Variants in KIFBP observed in about 807,000 individuals in gnomAD.
The protein encoded by KIFBP is KIF-binding protein.
In KIFBP, 46 loss-of-function variants were observed where a neutral mutation model predicts 58.9. The ratio of observed to expected loss-of-function variants is 0.78; its 90% CI spans 0.62 to 1.00. The LOEUF (loss-of-function observed/expected upper bound fraction) is 1.00. Ranked by LOEUF, KIFBP falls within the 50% of genes least tolerant of loss-of-function variation. KIFBP has a pLI of 0.00. For synonymous variants in KIFBP, 241 were observed against 283.4 expected, an observed-to-expected ratio of 0.85 and a Z score of 1.50; for missense variants, 651 against 752.9, an observed-to-expected ratio of 0.86 and a Z score of 1.58.
At chr10:68,997,301 C>A (rs1843417125) in intron 1 of KIFBP, among the ~76,000 whole-genome samples, 1 of 152,036 alleles carries the variant, frequency 6.6e-6, no homozygotes, top group African/African-American at 2.4e-5. Context: ...GCTCTGTGTC[C>A]CCACCCAAAT....
intron 1 of KIFBP, among the ~76,000 whole-genome samples, chr10:68,996,659 C>T (rs768367784): frequency 1.6e-4 from 24 of 151,942 alleles, no homozygotes; most frequent in Non-Finnish European, 2.8e-4. Flanking sequence ...TCGAGACCAG[C>T]CTGGCCAACA....
chr10:69,002,076 G>A (rs977866277), intron 2 of KIFBP, among the ~76,000 whole-genome samples: 2 of 152,096 alleles, frequency 1.3e-5, no homozygotes, highest in African/African-American at 2.4e-5. Context: ...TGAGGCAGGA[G>A]GGTCGCTTGA....
At position 69,010,940 on chromosome 10, in the gene KIFBP, A is replaced by C. The variant is rs918976095; in HGVS notation, c.915A>C (p.Gln305His). The C allele has an allele frequency of 2.7e-5, 43 of 1,614,120 alleles. No individual in the cohort carries two copies. Among genetic ancestry groups the C allele is most frequent in the Non-Finnish European group, 3.4e-5 (40 of 1,179,994 alleles). Residue 305 changes from glutamine (Q) to histidine (H), a missense_variant, in exon 6 of 7, where the codon CAA becomes CAC. Gln to His is a conservative substitution (Grantham distance 24). Coordinates refer to ENST00000361983, the MANE Select transcript of KIFBP (RefSeq NM_015634.4). ...AEGEVPELYH[Q>H]RKGEIARCWI... ...GAGAAGTGCCAGAGCTTTATCATCA[A>C]AGAAAGGGGGAAATAGCAAGGTGCT...
chr10:68,998,350 A>T, intron 1 of KIFBP, among the ~76,000 whole-genome samples: 1 of 152,208 alleles, frequency 6.6e-6, no homozygotes, highest in Non-Finnish European at 1.5e-5. Flanking sequence ...TTGTAAAGTA[A>T]TGATGAGCAT....
Position 68,989,112 on chromosome 10 carries a change from C to G in KIFBP, c.280C>G (p.Leu94Val), listed in dbSNP as rs1316056840. The G allele has an allele frequency of 1.2e-6, 2 of 1,611,010 alleles. No individual in the cohort carries two copies. The highest frequency in any genetic ancestry group is 1.7e-5 in the Admixed American group (1 of 59,830). ...GCCCGTCGCCCAGCGAGCGGTGAGG[C>G]TGGCAGTCATCGAGTTCCACCTCGG... ...EGPVAQRAVR[L>V]AVIEFHLGVN... The change falls in exon 1 of 7, where the codon CTG becomes GTG. Residue 94 changes from leucine to valine, a missense_variant. Physicochemically the swap from Leu to Val is conservative, Grantham distance 32. Transcript: ENST00000361983.
At position 68,993,414 on chromosome 10, in the gene KIFBP, A is replaced by G. The variant is rs375277587; in HGVS notation, c.426+4156A>G. ...ATTTCTGTCTGTCTCTTTGCCCCTC[A>G]CTAATTGTTCACCCATGAGAATTAG... is the stretch of plus-strand genomic sequence containing the variant. On this transcript the variant is annotated intron_variant, in intron 1 of 6. Transcript: ENST00000361983. 1.3e-3 allele frequency among the ~76,000 whole-genome samples: 205 copies of G among 151,960 alleles called. 1 individual carries two copies. Among genetic ancestry groups the G allele is most frequent in the African/African-American group, 4.6e-3 (190 of 41,412 alleles).
At chr10:68,999,470 C>A (rs1843441336) in intron 1 of KIFBP, among the ~76,000 whole-genome samples, 1 of 151,738 alleles carries the variant, frequency 6.6e-6, no homozygotes, top group African/African-American at 2.4e-5. Flanking sequence ...TGTTTCTGAT[C>A]CATCTTTGTC....
intron 1 of KIFBP, chr10:68,991,819 C>A (rs1843350303): frequency 6.5e-6 from 1 of 153,290 alleles, no homozygotes; most frequent in East Asian, 1.9e-4. Context: ...TATGCTCCCA[C>A]CTAAAATTTT....
At chr10:69,002,006 C>T (rs1339588493) in intron 2 of KIFBP, among the ~76,000 whole-genome samples, 1 of 151,806 alleles carries the variant, frequency 6.6e-6, no homozygotes, top group Non-Finnish European at 1.5e-5. Context: ...CTCATCACTA[C>T]AAAAAATTAA....
At chr10:69,001,169 AAAATT>A (rs1401230372) in intron 2 of KIFBP, among the ~76,000 whole-genome samples, 1 of 151,984 alleles carries the variant, frequency 6.6e-6, no homozygotes, top group Non-Finnish European at 1.5e-5. Flanking sequence ...GCAGCATATA[AAAATT>A]GATTGAGTTA....
chr10:69,008,925 A>G lies in KIFBP; in HGVS notation c.874A>G (p.Thr292Ala), dbSNP rs201438642. ...QTGKISATED[T>A]PEAEGEVPEL... ...TGGAAAGATCTCAGCCACAGAAGACAGTAAGTTTACCTTTGCATGTTTTAC... is the reference window on the plus strand; with the variant it reads ...TGGAAAGATCTCAGCCACAGAAGACGGTAAGTTTACCTTTGCATGTTTTAC... Residue 292 changes from threonine to alanine, a missense_variant and splice_region_variant, in exon 5 of 7, where the codon ACT becomes GCT. Coordinates refer to ENST00000361983, the MANE Select transcript of KIFBP (RefSeq NM_015634.4). 35 of 1,609,572 alleles carry G rather than the reference A, an allele frequency of 2.2e-5. No homozygotes were observed. In the East Asian group the frequency reaches 6.7e-4, roughly 31 times the overall value.
Position 69,000,824 on chromosome 10 carries a change from A to G in KIFBP, c.525+302A>G, listed in dbSNP as rs141321549. Among the ~76,000 whole-genome samples the G allele has an allele frequency of 2.7e-3, 418 of 152,378 alleles. 3 individuals are homozygous for G. Among genetic ancestry groups the G allele is most frequent in the African/African-American group, 9.6e-3 (399 of 41,594 alleles). On this transcript the variant is annotated intron_variant, in intron 2 of 6. Transcript: ENST00000361983. ...ATGTTTTTGTATTTATAATCTAAACATTCTATTTTAGTTTTCCATGAAAAT... is the reference window on the plus strand; with the variant it reads ...ATGTTTTTGTATTTATAATCTAAACGTTCTATTTTAGTTTTCCATGAAAAT...
rs779030658 is a variant in KIFBP, at chr10:69,015,781, C to T, written c.1231C>T (p.Gln411Ter). 2.5e-6 allele frequency: 4 copies of T among 1,614,136 alleles called. No homozygotes were observed. Among genetic ancestry groups the T allele is most frequent in the Non-Finnish European group, 1.7e-6 (2 of 1,180,026 alleles). The part of the protein sequence containing the change: ...HYVFEAKEFF[Q>*]IDGYVTDHIE... Reference sequence around the variant, plus strand: ...TGTCTTTGAGGCAAAAGAGTTCTTTCAGATTGATGGTTATGTCACTGACCA... The same window carrying T: ...TGTCTTTGAGGCAAAAGAGTTCTTTTAGATTGATGGTTATGTCACTGACCA... Residue 411 changes from glutamine (Q) to a stop codon, truncating the protein, a stop_gained, in exon 7 of 7, where the codon CAG becomes TAG. Coordinates refer to ENST00000361983, the MANE Select transcript of KIFBP (RefSeq NM_015634.4). LOFTEE classifies it high-confidence loss of function.
intron 1 of KIFBP, among the ~76,000 whole-genome samples, chr10:68,992,746 G>A (rs1330042764): frequency 6.6e-6 from 1 of 152,186 alleles, no homozygotes; most frequent in African/African-American, 2.4e-5. Context: ...AGACCCTGTT[G>A]TCAGTGGGGC....
chr10:68,997,232 TAATAGAG>T (rs1428062196), intron 1 of KIFBP, among the ~76,000 whole-genome samples: 3 of 152,290 alleles, frequency 2.0e-5, no homozygotes, highest in Admixed American at 1.3e-4. Context: ...AGGCTTGACA[TAATAGAG>T]GACCTTATTA....
intron 4 of KIFBP, among the ~76,000 whole-genome samples, chr10:69,008,387 A>T (rs1171790719): frequency 1.7e-5 from 1 of 60,150 alleles, no homozygotes; most frequent in Non-Finnish European, 3.2e-5. Flanking sequence ...TAAAAAAAAA[A>T]AAAAATATAT....
chr10:69,014,694 G>GTTTT (rs1554843727), intron 6 of KIFBP, among the ~76,000 whole-genome samples: 24 of 144,530 alleles, frequency 1.7e-4, no homozygotes, highest in Non-Finnish European at 2.6e-4. Flanking sequence ...AACCACCTTA[G>GTTTT]TTATTCTTTC....
rs1216570912 is a variant in KIFBP, at chr10:69,016,241, AAG to A, written c.1694_1695del (p.Glu565AlafsTer16). ...AAAATCATTACTGCAGATCCCAAGAAAGAGCTGGAAAATTTGGCAACATCATT... is the reference window on the plus strand; with the variant it reads ...AAAATCATTACTGCAGATCCCAAGAAAGCTGGAAAATTTGGCAACATCATT... On this transcript the variant is annotated frameshift_variant, in exon 7 of 7. Transcript: ENST00000361983. LOFTEE classifies it high-confidence loss of function. 6.9e-6 allele frequency: 11 copies of A among 1,600,992 alleles called. No individual in the cohort carries two copies. In the South Asian group the frequency reaches 1.2e-4, roughly 18 times the overall value.
chr10:68,990,868 G>A (rs2255833), intron 1 of KIFBP, among the ~76,000 whole-genome samples: 12,100 of 151,994 alleles, frequency 0.08, 663 homozygotes, highest in African/African-American at 0.15. Context: ...ATTAAATTCC[G>A]TTACATCCAA....
Sources: gnomAD v4.1 joint callset for allele counts (sites outside exome capture counted in the v4.1 genomes callset) on GRCh38, gnomAD v4.1.1 for gene constraint, MANE v1.5 for transcripts, NCBI Gene and HGNC (gene_info 2026-07-23, HGNC 2026-07-21) for gene names.